Variants in GRM1 observed in about 807,000 individuals in gnomAD.
GRM1 encodes the protein glutamate metabotropic receptor 1.
In GRM1, 33 loss-of-function variants were observed where a neutral mutation model predicts 90.9. The ratio of observed to expected loss-of-function variants is 0.36; its 90% CI spans 0.28 to 0.49. The LOEUF (loss-of-function observed/expected upper bound fraction) is 0.49. Ranked by LOEUF, GRM1 falls within the 20% of genes least tolerant of loss-of-function variation. GRM1 has a pLI of 0.99. For missense variants in GRM1, 1,190 were observed against 1,534.3 expected, an observed-to-expected ratio of 0.78 and a Z score of 3.75; for synonymous variants, 700 against 613.2, an observed-to-expected ratio of 1.14 and a Z score of -2.09.
chr6:146,039,895 G>A (rs1662473216), intron 1 of GRM1, among the ~76,000 whole-genome samples: 1 of 151,936 alleles, frequency 6.6e-6, no homozygotes, highest in South Asian at 2.1e-4. Flanking sequence ...TCGCAGACTG[G>A]GAAAAAATTA....
rs1173786607 is a variant in GRM1, at chr6:146,434,708, T to C, written c.3497T>C (p.Val1166Ala). Residue 1166 changes from valine (V) to alanine (A), a missense_variant, in exon 8 of 8, where the codon GTG (valine) becomes GCG (alanine). This residue lies in a region of GRM1 where 48 missense variants were observed against 48.5 expected (regional missense o/e 0.99). Transcript: ENST00000282753. Reference protein sequence around the residue: ...ASGSSVPSSPVSESVLCTPPN... With the variant: ...ASGSSVPSSPASESVLCTPPN... ...GGCAGCTCGGTGCCCAGCTCCCCCG[T>C]GTCCGAGTCGGTGCTCTGCACCCCT... 6.2e-7 allele frequency: 1 copy of C among 1,602,670 alleles called. No individual in the cohort carries two copies. The highest frequency in any genetic ancestry group is 8.5e-7 in the Non-Finnish European group (1 of 1,179,950).
chr6:146,301,836 GA>G (rs1350570759), intron 2 of GRM1, among the ~76,000 whole-genome samples: 1 of 151,928 alleles, frequency 6.6e-6, no homozygotes, highest in Non-Finnish European at 1.5e-5. Context: ...CTGGACATAT[GA>G]AAAAAATGAA....
chr6:146,309,207 T>A (rs1783692267), intron 3 of GRM1, among the ~76,000 whole-genome samples: 1 of 152,074 alleles, frequency 6.6e-6, no homozygotes, highest in Non-Finnish European at 1.5e-5. Flanking sequence ...GAGACCAGCC[T>A]GGCCAACATG....
intron 6 of GRM1, among the ~76,000 whole-genome samples, chr6:146,397,555 G>C (rs1437482090): frequency 6.6e-6 from 1 of 150,580 alleles, no homozygotes; most frequent in Non-Finnish European, 1.5e-5. Flanking sequence ...AGTTATGCTA[G>C]GCAGATACAT....
chr6:146,159,652 C>CAT (rs1210374690), intron 2 of GRM1, 55 bp downstream of exon 2: 1 of 1,453,914 alleles, frequency 6.9e-7, no homozygotes, highest in African/African-American at 1.4e-5. Context: ...CACACACACA[C>CAT]ATGCACACAC....
intron 5 of GRM1, among the ~76,000 whole-genome samples, chr6:146,382,424 T>TA (rs1776351431): frequency 6.6e-6 from 1 of 151,770 alleles, no homozygotes; most frequent in Non-Finnish European, 1.5e-5. Flanking sequence ...AAATATCAAC[T>TA]ATATTTTTGT....
intron 7 of GRM1, among the ~76,000 whole-genome samples, chr6:146,412,696 C>T (rs547713571): frequency 6.6e-6 from 1 of 152,184 alleles, no homozygotes; most frequent in Non-Finnish European, 1.5e-5. Context: ...TTTCATTTCT[C>T]CCACAGGAAG....
intron 2 of GRM1, among the ~76,000 whole-genome samples, chr6:146,250,778 C>T (rs911306979): frequency 2.0e-5 from 3 of 152,118 alleles, no homozygotes; most frequent in Non-Finnish European, 2.9e-5. Flanking sequence ...ATTATGAACC[C>T]CATACCTTTT....
intron 1 of GRM1, among the ~76,000 whole-genome samples, chr6:146,140,429 A>C (rs1036016527): frequency 1.3e-5 from 2 of 151,734 alleles, no homozygotes; most frequent in African/African-American, 2.4e-5. Context: ...CCACCATACC[A>C]GGCTAATTTT....
chr6:146,193,920 A>G (rs1013326250), intron 2 of GRM1, among the ~76,000 whole-genome samples: 2 of 151,434 alleles, frequency 1.3e-5, no homozygotes, highest in Admixed American at 6.6e-5. Context: ...TAGGACATGG[A>G]CATTCTTCAT....
intron 1 of GRM1, among the ~76,000 whole-genome samples, chr6:146,094,879 C>A (rs1012646986): frequency 1.3e-5 from 2 of 151,964 alleles, no homozygotes; most frequent in African/African-American, 4.8e-5. Context: ...AGGCTGAAGT[C>A]ATATATGAGC....
At chr6:146,137,522 T>C (rs996345302) in intron 1 of GRM1, among the ~76,000 whole-genome samples, 3 of 152,234 alleles carry the variant, frequency 2.0e-5, no homozygotes, top group Admixed American at 6.5e-5. Context: ...CATTGGTCTA[T>C]GTGTCTGTTT....
At chr6:146,113,041 G>A (rs891010053) in intron 1 of GRM1, among the ~76,000 whole-genome samples, 16 of 151,980 alleles carry the variant, frequency 1.1e-4, no homozygotes, top group Admixed American at 3.9e-4. Flanking sequence ...ATTTCCTTTC[G>A]ACAAAAACAT....
At chr6:146,193,490 A>T (rs553875748) in intron 2 of GRM1, among the ~76,000 whole-genome samples, 1 of 152,218 alleles carries the variant, frequency 6.6e-6, no homozygotes, top group Admixed American at 6.5e-5. Flanking sequence ...AAAAAGTACA[A>T]CTGGAGTGAG....
At chr6:146,426,956 T>G (rs1334297298) in intron 7 of GRM1, among the ~76,000 whole-genome samples, 1 of 152,212 alleles carries the variant, frequency 6.6e-6, no homozygotes, top group African/African-American at 2.4e-5. Flanking sequence ...CTTCAGAAAT[T>G]TGTCAGCTTC....
intron 1 of GRM1, among the ~76,000 whole-genome samples, chr6:146,138,472 T>A (rs1357754421): frequency 6.6e-6 from 1 of 152,150 alleles, no homozygotes; most frequent in Non-Finnish European, 1.5e-5. Context: ...TATTTAAATG[T>A]TTGGTAAAAT....
At chr6:146,179,705 C>A (rs1025392427) in intron 2 of GRM1, among the ~76,000 whole-genome samples, 2 of 151,970 alleles carry the variant, frequency 1.3e-5, no homozygotes, top group Non-Finnish European at 2.9e-5. Flanking sequence ...TTTTAGTAGA[C>A]GGGGTTTCAC....
At chr6:146,349,395 G>A (rs1279056974) in intron 3 of GRM1, among the ~76,000 whole-genome samples, 1 of 151,842 alleles carries the variant, frequency 6.6e-6, no homozygotes, top group Non-Finnish European at 1.5e-5. Context: ...TAGTATTATT[G>A]TAGATATGAA....
chr6:146,296,668 G>C (rs1047788118), intron 2 of GRM1, among the ~76,000 whole-genome samples: 1 of 152,016 alleles, frequency 6.6e-6, no homozygotes, highest in African/African-American at 2.4e-5. Context: ...TGGATCCTAG[G>C]GATTTTCAAT....
Sources: gnomAD v4.1 joint callset for allele counts (sites outside exome capture counted in the v4.1 genomes callset) on GRCh38, gnomAD v4.1.1 for gene constraint, gnomAD v4.1.1 regional missense constraint, MANE v1.5 for transcripts, NCBI Gene and HGNC (gene_info 2026-07-23, HGNC 2026-07-21) for gene names.